Variants in MED15 observed in about 807,000 individuals in gnomAD.
MED15 encodes mediator complex subunit 15.
A neutral mutation model predicts 118.7 loss-of-function variants in MED15; 41 were observed. The observed-to-expected ratio is 0.35, with a 90% CI of 0.27 to 0.45. The LOEUF (loss-of-function observed/expected upper bound fraction) is 0.45. MED15 is among the 20% of genes least tolerant of loss of function. The pLI, the probability that MED15 is intolerant of heterozygous loss-of-function variation, is 1.00. For synonymous variants in MED15, 436 were observed against 413.9 expected (o/e 1.05, Z -0.65); for missense variants, 740 against 1,025.5 (o/e 0.72, Z 3.80).
Position 20,575,159 on chromosome 22 carries a change from G to A in MED15, c.1199G>A (p.Arg400Gln), listed in dbSNP as rs768804484. The change falls in exon 9 of 18, where the codon CGG (arginine) becomes CAG (glutamine). Residue 400 changes from arginine (R) to glutamine (Q), a missense_variant. This residue lies in a region of MED15 where 384 missense variants were observed against 506.3 expected (regional missense o/e 0.76). Coordinates refer to ENST00000263205, the MANE Select transcript of MED15 (RefSeq NM_001003891.3). Reference sequence around the variant, plus strand: ...CAAGGTGGGATGCACATAAGAGCCCGGTTCCCGCCTACCACCGCTGTGTCC... The same window carrying A: ...CAAGGTGGGATGCACATAAGAGCCCAGTTCCCGCCTACCACCGCTGTGTCC... ...LAQGGMHIRA[R>Q]FPPTTAVSAI... is the part of the protein sequence containing the mutation. The A allele has an allele frequency of 2.0e-5, 33 of 1,614,044 alleles. No homozygotes were observed. Among genetic ancestry groups the A allele is most frequent in the Non-Finnish European group, 2.5e-5 (29 of 1,180,054 alleles).
At chr22:20,531,937 G>T (rs2054878985) in intron 1 of MED15, among the ~76,000 whole-genome samples, 1 of 152,228 alleles carries the variant, frequency 6.6e-6, no homozygotes, top group Non-Finnish European at 1.5e-5. Flanking sequence ...CAGGCAATGT[G>T]CCAGGTAGTA....
At chr22:20,510,270 C>T (rs1358519833) in intron 1 of MED15, among the ~76,000 whole-genome samples, 1 of 152,256 alleles carries the variant, frequency 6.6e-6, no homozygotes, top group South Asian at 2.1e-4. Flanking sequence ...CCTGTAGTCC[C>T]AGCTACTCAA....
chr22:20,551,765 C>G (rs557669670), intron 3 of MED15: 1 of 499,960 alleles, frequency 2.0e-6, no homozygotes, highest in East Asian at 3.6e-5. Context: ...CACTTAATCT[C>G]CCTTTTCATA....
chr22:20,534,541 G>A (rs73156979), intron 1 of MED15, among the ~76,000 whole-genome samples: 16,323 of 151,674 alleles, frequency 0.11, 1,208 homozygotes, highest in Non-Finnish European at 0.15. Context: ...AGAAGAAAAA[G>A]AAAAAAGGAA....
At chr22:20,535,770 A>G (rs554866407) in intron 1 of MED15, among the ~76,000 whole-genome samples, 13 of 151,654 alleles carry the variant, frequency 8.6e-5, no homozygotes, top group African/African-American at 1.2e-4. Flanking sequence ...TGTGTTAGCC[A>G]GGATGGTCGT....
chr22:20,558,764 A>AC (rs1333336760), intron 5 of MED15, among the ~76,000 whole-genome samples: 4 of 151,910 alleles, frequency 2.6e-5, no homozygotes, highest in Non-Finnish European at 5.9e-5. Context: ...CACCCCCCAT[A>AC]CCCCCCAGAA....
At chr22:20,581,709 C>A (rs2056987965) in intron 9 of MED15, among the ~76,000 whole-genome samples, 3 of 152,276 alleles carry the variant, frequency 2.0e-5, no homozygotes. Flanking sequence ...GTGCTCCACC[C>A]CAGGAAGGTG....
At chr22:20,527,911 C>T (rs960456621) in intron 1 of MED15, among the ~76,000 whole-genome samples, 7 of 146,998 alleles carry the variant, frequency 4.8e-5, no homozygotes, top group South Asian at 2.1e-4. Flanking sequence ...GAGCCGAGAT[C>T]GTGCCACTGG....
At chr22:20,548,822 T>A (rs2055657982) in intron 2 of MED15, among the ~76,000 whole-genome samples, 1 of 152,178 alleles carries the variant, frequency 6.6e-6, no homozygotes, top group African/African-American at 2.4e-5. Context: ...CTTTTAACTT[T>A]TTGAGGTGGG....
At position 20,585,746 on chromosome 22, in the gene MED15, G is replaced by A; in HGVS notation, c.2150G>A (p.Ser717Asn). 6.2e-7 allele frequency: 1 copy of A among 1,613,386 alleles called. No individual in the cohort carries two copies. The highest frequency in any genetic ancestry group is 8.5e-7 in the Non-Finnish European group (1 of 1,180,002). ...ICKLDDKDLP[S>N]VPPLELSVPA... ...GTTGCAGATGACAAGGACCTCCCAA[G>A]TGTGCCACCACTGGAGCTCAGTGTG... The change falls in exon 17 of 18, where the codon AGT becomes AAT. Residue 717 changes from serine (S) to asparagine (N), a missense_variant. Transcript: ENST00000263205.
intron 1 of MED15, among the ~76,000 whole-genome samples, chr22:20,536,750 A>G (rs185612367): frequency 3.8e-4 from 58 of 152,260 alleles, no homozygotes; most frequent in African/African-American, 1.4e-3. Flanking sequence ...CCACTCAGAG[A>G]GCAGGAAATA....
intron 8 of MED15, among the ~76,000 whole-genome samples, chr22:20,568,950 T>C (rs1041605812): frequency 9.2e-5 from 14 of 152,100 alleles, no homozygotes; most frequent in African/African-American, 3.1e-4. Context: ...GGCTGCAGTT[T>C]TCTCCTCACC....
chr22:20,555,098 C>G lies in MED15; in HGVS notation c.401C>G (p.Ser134Trp). 2 of 1,611,216 alleles carry G rather than the reference C, an allele frequency of 1.2e-6. No individual in the cohort carries two copies. Among genetic ancestry groups the G allele is most frequent in the Non-Finnish European group, 1.7e-6 (2 of 1,179,292 alleles). ...SLSGQPPPGT[S>W]GMAPHSMAVV... ...TCAGGGCAGCCGCCTCCTGGGACCT[C>G]GGGGATGGCCCCTCACAGCATGGCT... Residue 134 changes from serine (S) to tryptophan (W), a missense_variant, in exon 5 of 18, where the codon TCG (serine) becomes TGG (tryptophan). Physicochemically the swap from Ser to Trp is radical, Grantham distance 177. Around this residue, in one of 7 missense-constraint regions of MED15, gnomAD observed 117 missense variants for 124.6 expected, o/e 0.94. Transcript: ENST00000263205.
At chr22:20,566,947 T>A (rs2146596185) in intron 7 of MED15, 130 bp downstream of exon 7, 1 of 1,483,382 alleles carries the variant, frequency 6.7e-7, no homozygotes, top group East Asian at 2.3e-5. Context: ...CCCCCACCCC[T>A]TGCCAGCCCT....
rs373482671 is a variant in MED15 at position 20,583,063 on chromosome 22, T to A, written c.1538-50T>A. The A allele has an allele frequency of 1.2e-5, 19 of 1,557,184 alleles. No homozygotes were observed. In the African/African-American group the frequency reaches 2.0e-4, roughly 17 times the overall value. ...GCTCTGGGGCCCTCAGAGCTCAAGT[T>A]CCCCACCCGAGGGTCGAGGGCTGTG... On this transcript the variant is annotated intron_variant, in intron 11 of 17. Transcript: ENST00000263205.
intron 1 of MED15, chr22:20,508,443 G>A (rs1569159404): frequency 7.7e-7 from 1 of 1,293,740 alleles, no homozygotes; most frequent in Admixed American, 2.3e-5. Context: ...AACAGGCTTT[G>A]TGTGAGCAAT....
At chr22:20,537,297 T>C in intron 2 of MED15, 93 bp downstream of exon 2, 3 of 1,111,876 alleles carry the variant, frequency 2.7e-6, no homozygotes, top group Non-Finnish European at 3.9e-6. Context: ...TGTCCTAGGG[T>C]GTAGGGGTGG....
intron 3 of MED15, chr22:20,552,790 G>A (rs1277774173): frequency 3.5e-6 from 1 of 284,672 alleles, no homozygotes; most frequent in African/African-American, 2.2e-5. Flanking sequence ...CCCCGCCGTG[G>A]GTTCCTGTAG....
chr22:20,539,094 C>T (rs2055189822), intron 2 of MED15, among the ~76,000 whole-genome samples: 1 of 151,892 alleles, frequency 6.6e-6, no homozygotes, highest in Non-Finnish European at 1.5e-5. Context: ...TTGGTATATA[C>T]TTTATTCCTC....
Sources: gnomAD v4.1 joint callset for allele counts (sites outside exome capture counted in the v4.1 genomes callset) on GRCh38, gnomAD v4.1.1 for gene constraint, gnomAD v4.1.1 regional missense constraint, MANE v1.5 for transcripts, NCBI Gene and HGNC (gene_info 2026-07-23, HGNC 2026-07-21) for gene names.